The following KLHL1 variants were observed in gnomAD, a reference collection of about 807,000 sequenced individuals.
KLHL1 encodes the protein kelch like family member 1, also known as kelch-like protein 1.
KLHL1 carries 47 observed loss-of-function variants against 77.7 expected under a neutral mutation model. The observed-to-expected ratio is 0.60, with a 90% CI of 0.48 to 0.77. The LOEUF (loss-of-function observed/expected upper bound fraction) is 0.77. KLHL1 is among the 30% of genes least tolerant of loss of function. The pLI is 0.00. For synonymous variants in KLHL1, 360 were observed against 325.2 expected (o/e 1.11, Z -1.15); for missense variants, 925 against 910.8 (o/e 1.02, Z -0.20).
intron 1 of KLHL1, among the ~76,000 whole-genome samples, chr13:70,081,952 A>G (rs1887401850): frequency 6.6e-6 from 1 of 152,114 alleles, no homozygotes; most frequent in Non-Finnish European, 1.5e-5. Flanking sequence ...CCAATGTGGG[A>G]GGAGGAGGCT....
intron 1 of KLHL1, among the ~76,000 whole-genome samples, chr13:70,039,879 G>A (rs1260252938): frequency 6.6e-6 from 1 of 151,870 alleles, no homozygotes; most frequent in African/African-American, 2.4e-5. Context: ...GACCTCAAGT[G>A]ATCTGTGTGC....
chr13:69,991,228 C>T (rs1885019454), intron 1 of KLHL1, among the ~76,000 whole-genome samples: 1 of 151,848 alleles, frequency 6.6e-6, no homozygotes, highest in South Asian at 2.1e-4. Context: ...AACAACCTAA[C>T]ATCACAATGA....
At chr13:69,872,020 C>A (rs986455454) in intron 5 of KLHL1, among the ~76,000 whole-genome samples, 1 of 152,138 alleles carries the variant, frequency 6.6e-6, no homozygotes, top group African/African-American at 2.4e-5. Flanking sequence ...TATCAATTTT[C>A]TGCCTAAGTC....
At chr13:69,782,349 G>A (rs956333278) in intron 7 of KLHL1, among the ~76,000 whole-genome samples, 13 of 152,220 alleles carry the variant, frequency 8.5e-5, no homozygotes, top group African/African-American at 2.2e-4. Flanking sequence ...TGTGCTAGCC[G>A]AAGCAGGGCA....
chr13:69,845,947 A>G (rs1879442266), intron 5 of KLHL1, among the ~76,000 whole-genome samples: 1 of 151,478 alleles, frequency 6.6e-6, no homozygotes, highest in African/African-American at 2.4e-5. Context: ...TAAATGTAGT[A>G]AACTATAATA....
At chr13:70,024,884 A>G (rs1885903041) in intron 1 of KLHL1, among the ~76,000 whole-genome samples, 1 of 151,968 alleles carries the variant, frequency 6.6e-6, no homozygotes, top group Admixed American at 6.6e-5. Context: ...CTCTAAGGAT[A>G]TGCAGACACC....
At chr13:69,846,062 A>T (rs977721822) in intron 5 of KLHL1, among the ~76,000 whole-genome samples, 2 of 151,558 alleles carry the variant, frequency 1.3e-5, no homozygotes, top group African/African-American at 4.8e-5. Context: ...AGATAATAAT[A>T]TACTTCTATC....
At chr13:69,855,341 T>TAG (rs1879855788) in intron 5 of KLHL1, among the ~76,000 whole-genome samples, 3 of 60,050 alleles carry the variant, frequency 5.0e-5, no homozygotes, top group African/African-American at 8.5e-5. Context: ...GATAGATAGA[T>TAG]AGATAGACAG....
chr13:69,951,747 T>C (rs930502654), intron 3 of KLHL1, among the ~76,000 whole-genome samples: 2 of 151,396 alleles, frequency 1.3e-5, no homozygotes, highest in Admixed American at 6.6e-5. Flanking sequence ...ACCTTGCTGC[T>C]ACCATTATGG....
At chr13:69,806,175 T>A (rs1243645288) in intron 6 of KLHL1, among the ~76,000 whole-genome samples, 2 of 152,186 alleles carry the variant, frequency 1.3e-5, no homozygotes, top group South Asian at 4.1e-4. Flanking sequence ...GAAAAATAAG[T>A]AAATCTTGAT....
At chr13:69,966,345 C>T (rs938831163) in intron 2 of KLHL1, among the ~76,000 whole-genome samples, 1 of 152,104 alleles carries the variant, frequency 6.6e-6, no homozygotes, top group African/African-American at 2.4e-5. Context: ...TAATTCTACT[C>T]AGCCAGTGCT....
chr13:69,731,696 T>C (rs1566191554), intron 8 of KLHL1, among the ~76,000 whole-genome samples: 1 of 152,212 alleles, frequency 6.6e-6, no homozygotes, highest in African/African-American at 2.4e-5. Flanking sequence ...CTTTAGCTTT[T>C]TGTGATTCTG....
intron 5 of KLHL1, among the ~76,000 whole-genome samples, chr13:69,860,096 A>G (rs1242636691): frequency 6.6e-6 from 1 of 152,110 alleles, no homozygotes; most frequent in Non-Finnish European, 1.5e-5. Context: ...GTGTGATATA[A>G]ATTTTGACTT....
At chr13:70,069,535 T>A (rs1355077349) in intron 1 of KLHL1, among the ~76,000 whole-genome samples, 5 of 151,960 alleles carry the variant, frequency 3.3e-5, no homozygotes, top group African/African-American at 1.2e-4. Flanking sequence ...GGCAGAGAAT[T>A]CAGAATTATA....
chr13:69,718,190 T>G (rs1291245766), intron 9 of KLHL1, among the ~76,000 whole-genome samples: 1 of 152,184 alleles, frequency 6.6e-6, no homozygotes, highest in Non-Finnish European at 1.5e-5. Flanking sequence ...ATTTTTCTGC[T>G]GTCAGTGCTA....
At chr13:69,889,724 T>G (rs1286397688) in intron 4 of KLHL1, among the ~76,000 whole-genome samples, 5 of 152,020 alleles carry the variant, frequency 3.3e-5, no homozygotes, top group Non-Finnish European at 7.4e-5. Flanking sequence ...CTGTGGAACA[T>G]TAAGGAGCTG....
intron 1 of KLHL1, among the ~76,000 whole-genome samples, chr13:70,078,794 C>G (rs1015047858): frequency 2.0e-5 from 3 of 152,028 alleles, no homozygotes; most frequent in Non-Finnish European, 4.4e-5. Context: ...AATTATTTCA[C>G]CAAAATGAAA....
At chr13:69,941,010 G>A (rs1000497527) in intron 3 of KLHL1, among the ~76,000 whole-genome samples, 1 of 151,782 alleles carries the variant, frequency 6.6e-6, no homozygotes, top group Admixed American at 6.6e-5. Flanking sequence ...CTGTACCTAA[G>A]TGAGTTTTAC....
intron 3 of KLHL1, among the ~76,000 whole-genome samples, chr13:69,960,348 C>A (rs868860097): frequency 2.6e-5 from 4 of 151,926 alleles, no homozygotes; most frequent in African/African-American, 7.2e-5. Flanking sequence ...TAGGCCAGAA[C>A]CTGCCTTTCT....
Sources: gnomAD v4.1 joint callset for allele counts (sites outside exome capture counted in the v4.1 genomes callset) on GRCh38, gnomAD v4.1.1 for gene constraint, MANE v1.5 for transcripts, NCBI Gene and HGNC (gene_info 2026-07-23, HGNC 2026-07-21) for gene names.